The following TRANK1 variants were observed in gnomAD, a reference collection of about 807,000 sequenced individuals.
TRANK1 encodes the protein TPR and ankyrin repeat-containing protein 1.
TRANK1 carries 198 observed loss-of-function variants against 266.0 expected under a neutral mutation model. That is an observed-to-expected ratio of 0.74 (90% CI 0.66 to 0.84). The LOEUF (loss-of-function observed/expected upper bound fraction) is 0.84, where lower values mean the gene tolerates loss of function less well. TRANK1 is among the 40% of genes least tolerant of loss of function. The pLI, the probability that TRANK1 is intolerant of heterozygous loss-of-function variation, is 0.00. For synonymous variants in TRANK1, 1,396 were observed against 1,384.1 expected (o/e 1.01, Z -0.19); for missense variants, 3,326 against 3,634.6 (o/e 0.92, Z 2.18).
intron 8 of TRANK1, among the ~76,000 whole-genome samples, chr3:36,886,428 T>G (rs547818985): frequency 1.3e-5 from 2 of 152,196 alleles, no homozygotes; most frequent in Admixed American, 1.3e-4. Flanking sequence ...TCTTTACGTT[T>G]TATCCTCCCA....
In TRANK1 at chr3:36,829,564, C is replaced by T; in HGVS notation, c.8809G>A (p.Gly2937Ser). 1.2e-6 allele frequency: 2 copies of T among 1,613,958 alleles called. No individual in the cohort carries two copies. The highest frequency in any genetic ancestry group is 1.1e-5 in the South Asian group (1 of 91,078). ...TGTCCCCACAATCAAGACTCCTTAC[C>T]TTCCTTCTTTAAGCGGGTCTCTGTT... Reference protein sequence around the residue: ...MKTETRLKKEGIVQEDDYENE... With the variant: ...MKTETRLKKESIVQEDDYENE... Residue 2937 changes from glycine (G) to serine (S), a missense_variant and splice_region_variant, in exon 23 of 24, where the codon GGT becomes AGT. Gly to Ser is a moderately conservative substitution (Grantham distance 56). Coordinates refer to ENST00000645898, the MANE Select transcript of TRANK1 (RefSeq NM_001329998.2).
intron 11 of TRANK1, 37 bp downstream of exon 11, chr3:36,860,869 G>A: frequency 2.0e-6 from 3 of 1,533,714 alleles, no homozygotes; most frequent in Non-Finnish European, 2.6e-6. Context: ...GGAGAATGTG[G>A]ACAAGTCTCC....
chr3:36,894,745 C>A (rs1245001078), intron 5 of TRANK1, among the ~76,000 whole-genome samples: 1 of 152,184 alleles, frequency 6.6e-6, no homozygotes, highest in South Asian at 2.1e-4. Flanking sequence ...GTCATCCAAC[C>A]TGCTAGGATC....
At chr3:36,859,124 T>C (rs994169074) in intron 11 of TRANK1, among the ~76,000 whole-genome samples, 6 of 152,096 alleles carry the variant, frequency 3.9e-5, no homozygotes, top group Non-Finnish European at 8.8e-5. Context: ...CCCCGCCTCC[T>C]CTCCAGCTCC....
At chr3:36,917,833 T>A (rs150481345) in intron 1 of TRANK1, among the ~76,000 whole-genome samples, 49 of 151,838 alleles carry the variant, frequency 3.2e-4, no homozygotes, top group African/African-American at 1.2e-3. Flanking sequence ...ATACATACAA[T>A]ACAAAAAAAA....
chr3:36,873,953 CT>C (rs1352466558), intron 9 of TRANK1, among the ~76,000 whole-genome samples, 172 bp downstream of exon 9: 2 of 143,586 alleles, frequency 1.4e-5, no homozygotes, highest in African/African-American at 2.6e-5. Flanking sequence ...CTCATTCTAC[CT>C]TTAAAAAAAA....
chr3:36,934,673 G>A (rs568674806), intron 1 of TRANK1, among the ~76,000 whole-genome samples: 1 of 152,294 alleles, frequency 6.6e-6, no homozygotes, highest in African/African-American at 2.4e-5. Flanking sequence ...GTGGCCACAA[G>A]TTCACGCCCC....
rs1305109617 is a variant in TRANK1 at position 36,852,277 on chromosome 3, G to A, written c.4618C>T (p.Leu1540Phe). ...QFYFPESFDR[L>F]PRDSGLFDGP... ...TCAAAGAGGCCAGAATCCCTTGGAA[G>A]GCGATCAAAAGATTCTGGGAAATAG... The change falls in exon 14 of 24, where the codon CTT (leucine) becomes TTT (phenylalanine). Residue 1540 changes from leucine to phenylalanine, a missense_variant. Leu to Phe is a conservative substitution (Grantham distance 22). Transcript: ENST00000645898. 2.5e-6 allele frequency: 4 copies of A among 1,612,868 alleles called. No homozygotes were observed. The highest frequency in any genetic ancestry group is 3.4e-6 in the Non-Finnish European group (4 of 1,179,480).
Position 36,846,404 on chromosome 3 carries a change from G to T in TRANK1, c.5035C>A (p.Leu1679Ile). ...SLMVNPEMYK[L>I]LNGELKQLYT... The stretch of plus-strand genomic sequence containing the variant: ...AGCTGCTTCAGCTCTCCGTTGAGGA[G>T]CTAAAGATAACATTGAGGACAAAGA... The change falls in exon 17 of 24, where the codon CTC becomes ATC. Residue 1679 changes from leucine (L) to isoleucine (I), a missense_variant and splice_region_variant. Coordinates refer to ENST00000645898, the MANE Select transcript of TRANK1 (RefSeq NM_001329998.2). 1 of 1,610,810 alleles carries T rather than the reference G, an allele frequency of 6.2e-7. No homozygotes were observed. Among genetic ancestry groups the T allele is most frequent in the Non-Finnish European group, 8.5e-7 (1 of 1,178,090 alleles).
At chr3:36,943,480 A>ACC (rs1204257291) in intron 1 of TRANK1, among the ~76,000 whole-genome samples, 1 of 34,984 alleles carries the variant, frequency 2.9e-5, no homozygotes, top group African/African-American at 9.9e-5. Context: ...ACCTCTACCC[A>ACC]CCCCCCCACC....
chr3:36,933,509 C>T (rs2080387308), intron 1 of TRANK1, among the ~76,000 whole-genome samples: 1 of 152,244 alleles, frequency 6.6e-6, no homozygotes, highest in South Asian at 2.1e-4. Flanking sequence ...AGCCAGGCCA[C>T]ACAGCAGTGA....
rs770307612 is a variant in TRANK1 at position 36,838,407 on chromosome 3, G to A, written c.5482C>T (p.Gln1828Ter). 2.5e-6 allele frequency: 4 copies of A among 1,614,042 alleles called. No individual in the cohort carries two copies. The South Asian group carries it at 3.3e-5, about 13-fold the overall frequency. ...LKCLSYAKEF[Q>*]LSAQLCERLG... Reference sequence around the variant, plus strand: ...CTCTCGCACAGCTGGGCAGAGAGCTGGAACTCCTTGGCATAGCTCAGACAC... The same window carrying A: ...CTCTCGCACAGCTGGGCAGAGAGCTAGAACTCCTTGGCATAGCTCAGACAC... The change falls in exon 20 of 24, where the codon CAG becomes TAG. Residue 1828 changes from glutamine to a stop codon, truncating the protein, a stop_gained. Coordinates refer to ENST00000645898, the MANE Select transcript of TRANK1 (RefSeq NM_001329998.2). LOFTEE classifies it high-confidence loss of function.
intron 13 of TRANK1, among the ~76,000 whole-genome samples, chr3:36,852,824 C>T (rs1405361791): frequency 6.7e-6 from 1 of 148,398 alleles, no homozygotes; most frequent in Non-Finnish European, 1.5e-5. Flanking sequence ...AGAATGCTCT[C>T]ATAAGGGGCT....
At chr3:36,893,079 A>T (rs181482048) in intron 5 of TRANK1, 95 bp from the exon 6 acceptor site, 9 of 481,774 alleles carry the variant, frequency 1.9e-5, no homozygotes, top group East Asian at 1.0e-4. Context: ...ACAAGCAAAT[A>T]AAAAAAAACC....
chr3:36,896,366 A>T (rs2079789607), intron 4 of TRANK1, among the ~76,000 whole-genome samples: 1 of 152,222 alleles, frequency 6.6e-6, no homozygotes, highest in Non-Finnish European at 1.5e-5. Flanking sequence ...ACAGGTCAAG[A>T]CTCAGAATAA....
chr3:36,861,854 C>T (rs1000717062), intron 10 of TRANK1, among the ~76,000 whole-genome samples: 4 of 151,830 alleles, frequency 2.6e-5, no homozygotes, highest in African/African-American at 9.7e-5. Context: ...TACAGGCGCC[C>T]GCCACAACAC....
intron 8 of TRANK1, among the ~76,000 whole-genome samples, chr3:36,883,228 C>T (rs1299416175): frequency 6.6e-6 from 1 of 151,824 alleles, no homozygotes; most frequent in Non-Finnish European, 1.5e-5. Flanking sequence ...ATCACTTGAG[C>T]CCAGGAGTTT....
intron 16 of TRANK1, 58 bp from the exon 17 acceptor site, chr3:36,846,462 C>A: frequency 6.5e-7 from 1 of 1,545,906 alleles, no homozygotes; most frequent in African/African-American, 1.4e-5. Context: ...TACAAAGTGA[C>A]ACACTTCAAT....
At chr3:36,882,922 T>C (rs1448087810) in intron 8 of TRANK1, among the ~76,000 whole-genome samples, 1 of 152,154 alleles carries the variant, frequency 6.6e-6, no homozygotes, top group African/African-American at 2.4e-5. Flanking sequence ...ATTAAAACGA[T>C]ACTGGAAGAA....
Sources: gnomAD v4.1 joint callset for allele counts (sites outside exome capture counted in the v4.1 genomes callset) on GRCh38, gnomAD v4.1.1 for gene constraint, MANE v1.5 for transcripts, NCBI Gene and HGNC (gene_info 2026-07-23, HGNC 2026-07-21) for gene names.